Variants in ALK observed in about 807,000 individuals in gnomAD.
The protein encoded by ALK is ALK receptor tyrosine kinase.
In ALK, 74 loss-of-function variants were observed where a neutral mutation model predicts 163.1. The observed-to-expected ratio is 0.45, with a 90% CI of 0.38 to 0.55. The LOEUF is 0.55. Ranked by LOEUF, ALK falls within the 20% of genes least tolerant of loss-of-function variation. The probability of loss-of-function intolerance (pLI) is 0.00; values close to 1 mark genes in which losing one functional copy is unlikely to be tolerated. For missense variants in ALK, 2,063 were observed against 2,105.3 expected (o/e 0.98, Z 0.39); for synonymous variants, 960 against 843.2 (o/e 1.14, Z -2.40).
intron 8 of ALK, among the ~76,000 whole-genome samples, chr2:29,315,485 A>G (rs953505910): frequency 6.6e-6 from 1 of 152,118 alleles, no homozygotes; most frequent in African/African-American, 2.4e-5. Flanking sequence ...CACAGACAGG[A>G]GGAAAACTCT....
chr2:29,452,996 T>A (rs985501091), intron 4 of ALK, among the ~76,000 whole-genome samples: 2 of 152,126 alleles, frequency 1.3e-5, no homozygotes, highest in South Asian at 2.1e-4. Context: ...ATACGATAAT[T>A]AAATGCAATG....
At chr2:29,289,340 G>C (rs1367419090) in intron 9 of ALK, among the ~76,000 whole-genome samples, 1 of 152,042 alleles carries the variant, frequency 6.6e-6, no homozygotes, top group Admixed American at 6.6e-5. Context: ...AATAAAGCAT[G>C]GTGTGCACTT....
chr2:29,521,546 C>T (rs373663627), intron 4 of ALK, among the ~76,000 whole-genome samples: 1 of 152,200 alleles, frequency 6.6e-6, no homozygotes, highest in Non-Finnish European at 1.5e-5. Context: ...TAAGAGAATG[C>T]ATTTCTGTAA....
At chr2:29,691,742 T>A (rs1020093841) in intron 3 of ALK, among the ~76,000 whole-genome samples, 2 of 152,194 alleles carry the variant, frequency 1.3e-5, no homozygotes, top group Admixed American at 1.3e-4. Flanking sequence ...ATTGTGCGCA[T>A]GTCAGCGATC....
At chr2:29,691,563 G>A (rs942432774) in intron 3 of ALK, among the ~76,000 whole-genome samples, 2 of 152,136 alleles carry the variant, frequency 1.3e-5, no homozygotes, top group African/African-American at 4.8e-5. Flanking sequence ...CATCTAATGG[G>A]AAAGTTTCAC....
chr2:29,468,034 A>ATT (rs200416113), intron 4 of ALK, among the ~76,000 whole-genome samples: 23,317 of 146,756 alleles, frequency 0.16, 2,006 homozygotes, highest in East Asian at 0.36. Context: ...GTCCTCAATA[A>ATT]TTTTTTTTTT....
chr2:29,683,782 A>G (rs1310889360), intron 3 of ALK, among the ~76,000 whole-genome samples: 2 of 152,190 alleles, frequency 1.3e-5, no homozygotes, highest in Non-Finnish European at 2.9e-5. Flanking sequence ...AGATCCTTAA[A>G]TCAAGACAGA....
At chr2:29,543,609 C>T (rs1055440655) in intron 3 of ALK, among the ~76,000 whole-genome samples, 1 of 152,204 alleles carries the variant, frequency 6.6e-6, no homozygotes, top group African/African-American at 2.4e-5. Context: ...GAATGAAGGC[C>T]ATCTGGGTTA....
chr2:29,537,723 T>G (rs1461926429), intron 3 of ALK, among the ~76,000 whole-genome samples: 1 of 152,188 alleles, frequency 6.6e-6, no homozygotes, highest in East Asian at 1.9e-4. Flanking sequence ...ACTGGCAGCT[T>G]GAAGCCTCAG....
At chr2:29,911,769 G>GA (rs1009075668) in intron 1 of ALK, among the ~76,000 whole-genome samples, 1 of 151,266 alleles carries the variant, frequency 6.6e-6, no homozygotes, top group Admixed American at 6.6e-5. Context: ...CAACATAAAA[G>GA]AAAAAAAATG....
chr2:29,217,254 G>A lies in ALK; in HGVS notation c.3646-3173C>T, dbSNP rs540617062. On this transcript the variant is annotated intron_variant, in intron 23 of 28. Coordinates refer to ENST00000389048, the MANE Select transcript of ALK (RefSeq NM_004304.5). ...TTTATGTCTGTAGTGTGTGATGTAC[G>A]TGTGTGGTGTGTTTTTTGTGTGGTG... Among the ~76,000 whole-genome samples the A allele has an allele frequency of 6.2e-3, 943 of 151,154 alleles. 14 individuals are homozygous for A. Among genetic ancestry groups the A allele is most frequent in the African/African-American group, 0.022 (897 of 41,122 alleles).
chr2:29,875,282 G>A (rs761007003), intron 1 of ALK, among the ~76,000 whole-genome samples: 1 of 152,154 alleles, frequency 6.6e-6, no homozygotes, highest in Non-Finnish European at 1.5e-5. Flanking sequence ...TGCTTAATGA[G>A]TACAGAGTTT....
chr2:29,401,976 G>T (rs1274851074), intron 4 of ALK, among the ~76,000 whole-genome samples: 2 of 152,320 alleles, frequency 1.3e-5, no homozygotes, highest in South Asian at 2.1e-4. Context: ...GATAATCAGG[G>T]TATTGTTTCT....
At chr2:29,372,840 G>T (rs902264379) in intron 5 of ALK, among the ~76,000 whole-genome samples, 3 of 152,216 alleles carry the variant, frequency 2.0e-5, no homozygotes, top group African/African-American at 7.2e-5. Context: ...ATAGAGGTGA[G>T]GTTGGAAAGT....
chr2:29,844,873 A>ACACACACACACACACACAGAGG (rs1665799750), intron 1 of ALK, among the ~76,000 whole-genome samples: 1 of 151,414 alleles, frequency 6.6e-6, no homozygotes. Context: ...ACACACACAC[A>ACACACACACACACACACAGAGG]CACACACACA....
At chr2:29,760,883 T>C (rs1286670285) in intron 1 of ALK, among the ~76,000 whole-genome samples, 2 of 152,162 alleles carry the variant, frequency 1.3e-5, no homozygotes, top group East Asian at 1.9e-4. Flanking sequence ...CTGAAAGAGC[T>C]TTTGGCTGTT....
intron 24 of ALK, 152 bp from the exon 25 acceptor site, chr2:29,210,030 A>G: frequency 3.0e-6 from 2 of 674,608 alleles, no homozygotes; most frequent in Non-Finnish European, 5.3e-6. Flanking sequence ...GTGTGAGAGA[A>G]ACAGCCTTAA....
intron 1 of ALK, among the ~76,000 whole-genome samples, chr2:29,760,135 T>C (rs1245167941): frequency 1.3e-5 from 2 of 152,132 alleles, no homozygotes; most frequent in Non-Finnish European, 2.9e-5. Flanking sequence ...ACAAGATGCT[T>C]GGCAACATTT....
intron 2 of ALK, among the ~76,000 whole-genome samples, chr2:29,712,669 AG>A (rs1679136179): frequency 6.6e-6 from 1 of 152,136 alleles, no homozygotes; most frequent in African/African-American, 2.4e-5. Context: ...TTTCAATCAA[AG>A]AAATTGATAC....
Sources: gnomAD v4.1 joint callset for allele counts (sites outside exome capture counted in the v4.1 genomes callset) on GRCh38, gnomAD v4.1.1 for gene constraint, MANE v1.5 for transcripts, NCBI Gene and HGNC (gene_info 2026-07-23, HGNC 2026-07-21) for gene names.